MTREX: variants seen among roughly 807,000 people sequenced by gnomAD.
MTREX encodes the protein exosome RNA helicase MTR4.
In MTREX, 76 loss-of-function variants were observed where a neutral mutation model predicts 135.4. That is an observed-to-expected ratio of 0.56 (90% confidence interval 0.47 to 0.68). MTREX has a LOEUF of 0.68. Ranked by LOEUF, MTREX falls within the 30% of genes least tolerant of loss-of-function variation. MTREX has a pLI of 0.00. For synonymous variants in MTREX, 404 were observed against 401.6 expected, an observed-to-expected ratio of 1.01 and a Z score of -0.07; for missense variants, 920 against 1,262.1, an observed-to-expected ratio of 0.73 and a Z score of 4.11.
At chr5:55,314,738 C>T (rs1460395493) in intron 1 of MTREX, among the ~76,000 whole-genome samples, 1 of 152,194 alleles carries the variant, frequency 6.6e-6, no homozygotes, top group Non-Finnish European at 1.5e-5. Flanking sequence ...ACCTTTTTAG[C>T]ACCAGGGGCT....
At chr5:55,336,406 A>G (rs897831961) in intron 5 of MTREX, among the ~76,000 whole-genome samples, 11 of 152,218 alleles carry the variant, frequency 7.2e-5, no homozygotes, top group African/African-American at 2.4e-4. Flanking sequence ...AGTAGGGAAT[A>G]AATGAAAATA....
At chr5:55,328,653 T>A in intron 4 of MTREX, 46 bp from the exon 5 acceptor site, 1 of 1,303,686 alleles carries the variant, frequency 7.7e-7, no homozygotes, top group South Asian at 1.2e-5. Context: ...TATGCTCTGA[T>A]ACAACTAGAT....
At chr5:55,392,218 G>T (rs561989226) in intron 19 of MTREX, among the ~76,000 whole-genome samples, 38 of 152,166 alleles carry the variant, frequency 2.5e-4, no homozygotes, top group Non-Finnish European at 5.1e-4. Flanking sequence ...TCATAATTGT[G>T]CAGAGACTTC....
intron 15 of MTREX, among the ~76,000 whole-genome samples, chr5:55,361,964 C>T (rs994253054): frequency 6.6e-6 from 1 of 151,424 alleles, no homozygotes; most frequent in African/African-American, 2.4e-5. Context: ...TTGCCCAGGC[C>T]GGAGTGCAGT....
chr5:55,417,775 G>T (rs1750989026), intron 25 of MTREX, among the ~76,000 whole-genome samples: 1 of 152,036 alleles, frequency 6.6e-6, no homozygotes, highest in Non-Finnish European at 1.5e-5. Context: ...ACTAGTAACT[G>T]TTCAATGCCT....
chr5:55,374,264 T>TTTTATA (rs1554033276), intron 16 of MTREX, among the ~76,000 whole-genome samples: 1 of 139,654 alleles, frequency 7.2e-6, no homozygotes, highest in African/African-American at 2.7e-5. Context: ...CAAAAAACAT[T>TTTTATA]TATATATATA....
At chr5:55,342,176 C>G (rs1749659981) in intron 7 of MTREX, among the ~76,000 whole-genome samples, 1 of 152,194 alleles carries the variant, frequency 6.6e-6, no homozygotes, top group Non-Finnish European at 1.5e-5. Context: ...TCCCAAAGTG[C>G]TGGGATTACA....
rs780748015 is a variant in MTREX at position 55,324,211 on chromosome 5, A to G, written c.339+13A>G. On this transcript the variant is annotated intron_variant, in intron 3 of 26. Transcript: ENST00000230640. Reference sequence around the variant, plus strand: ...GTGTACACATGAGGTAAGCACAAACAGCATACAGAAGGTTAGTGTTACAAA... The same window carrying G: ...GTGTACACATGAGGTAAGCACAAACGGCATACAGAAGGTTAGTGTTACAAA... 11 of 1,586,812 alleles carry G rather than the reference A, an allele frequency of 6.9e-6. No homozygotes were observed. In the East Asian group the frequency reaches 1.8e-4, roughly 26 times the overall value.
chr5:55,394,258 C>T (rs17627542), intron 19 of MTREX, among the ~76,000 whole-genome samples: 6,237 of 152,216 alleles, frequency 0.041, 167 homozygotes, highest in Middle Eastern at 0.061. Context: ...CTCTGGATGT[C>T]GGCTATGTGG....
chr5:55,364,596 T>C (rs1250347493), intron 15 of MTREX, among the ~76,000 whole-genome samples: 2 of 152,120 alleles, frequency 1.3e-5, no homozygotes, highest in Non-Finnish European at 2.9e-5. Context: ...CAGCGGCAAG[T>C]CAAACTGGAA....
Position 55,318,442 on chromosome 5 carries a change from A to G in MTREX, c.135-3885A>G, listed in dbSNP as rs538283444. Among the ~76,000 whole-genome samples the G allele has an allele frequency of 3.0e-4, 45 of 152,356 alleles. 1 individual carries two copies. The South Asian group carries it at 5.4e-3, about 18-fold the overall frequency. The stretch of plus-strand genomic sequence containing the variant: ...CACCATGAAATATTATGCAGCCGTG[A>G]AAAAGAATGAGATCATGTCTTTTGC... On this transcript the variant is annotated intron_variant, in intron 1 of 26. Coordinates refer to ENST00000230640, the MANE Select transcript of MTREX (RefSeq NM_015360.5).
intron 25 of MTREX, among the ~76,000 whole-genome samples, chr5:55,421,062 G>C (rs1207028950): frequency 6.6e-6 from 1 of 152,080 alleles, no homozygotes; most frequent in East Asian, 1.9e-4. Flanking sequence ...AAAAAATTTT[G>C]TAACAAACCA....
intron 15 of MTREX, among the ~76,000 whole-genome samples, chr5:55,363,545 C>G (rs144851328): frequency 9.0e-4 from 137 of 152,066 alleles, no homozygotes; most frequent in African/African-American, 2.8e-3. Context: ...TTTAGGTGAT[C>G]CTCTTATTAG....
intron 16 of MTREX, 66 bp downstream of exon 16, chr5:55,366,941 T>A: frequency 7.6e-7 from 1 of 1,307,394 alleles, no homozygotes; most frequent in South Asian, 1.8e-5. Flanking sequence ...ATGTCTGCAT[T>A]ATTGGCTGCT....
intron 25 of MTREX, among the ~76,000 whole-genome samples, chr5:55,418,481 G>C (rs2111627849): frequency 6.7e-6 from 1 of 148,596 alleles, no homozygotes; most frequent in South Asian, 2.2e-4. Flanking sequence ...CAGCATACCA[G>C]CATTCCTGAA....
chr5:55,371,009 A>G lies in MTREX; in HGVS notation c.1810+4134A>G, dbSNP rs763584587. On this transcript the variant is annotated intron_variant, in intron 16 of 26. Coordinates refer to ENST00000230640, the MANE Select transcript of MTREX (RefSeq NM_015360.5). ...TCAACAGTACATTTTTCAGTGAGCC[A>G]TAAGAGTAGAGGTCCTTGGATTTTA... is the stretch of plus-strand genomic sequence containing the variant. Among the ~76,000 whole-genome samples the G allele has an allele frequency of 5.3e-5, 8 of 152,350 alleles. No individual in the cohort carries two copies. The South Asian group carries it at 6.2e-4, about 12-fold the overall frequency.
chr5:55,347,708 T>C (rs1239817771), intron 11 of MTREX, among the ~76,000 whole-genome samples: 1 of 152,268 alleles, frequency 6.6e-6, no homozygotes, highest in Non-Finnish European at 1.5e-5. Context: ...TTTGTGTTGC[T>C]GTGACAGAAT....
rs148080834 is a variant in MTREX, at chr5:55,420,135, A to C, written c.2972-2743A>C. Among the ~76,000 whole-genome samples, 403 of 145,682 alleles carry C rather than the reference A, an allele frequency of 2.8e-3. 1 individual carries two copies. Among genetic ancestry groups the C allele is most frequent in the African/African-American group, 8.7e-3 (359 of 41,146 alleles). ...AGTGTGAGCAATAGTCTCTGCTCTCAAGAAAGGGTTCAGCCTAAGCTGGGG... is the reference window on the plus strand; with the variant it reads ...AGTGTGAGCAATAGTCTCTGCTCTCCAGAAAGGGTTCAGCCTAAGCTGGGG... On this transcript the variant is annotated intron_variant, in intron 25 of 26. Transcript: ENST00000230640.
At chr5:55,317,479 A>G (rs1344353314) in intron 1 of MTREX, among the ~76,000 whole-genome samples, 1 of 152,206 alleles carries the variant, frequency 6.6e-6, no homozygotes, top group African/African-American at 2.4e-5. Context: ...AAGGCCGCAC[A>G]TCTACAACCA....
Sources: allele counts gnomAD v4.1 joint callset (sites outside exome capture counted in the v4.1 genomes callset), GRCh38; gene constraint gnomAD v4.1.1; transcripts MANE v1.5; gene names NCBI Gene and HGNC (gene_info 2026-07-23, HGNC 2026-07-21).